Variants in VPS26C observed in about 807,000 individuals in gnomAD.
VPS26C encodes vacuolar protein sorting-associated protein 26C.
Under a neutral mutation model 30.6 loss-of-function variants are expected in VPS26C, and 19 were observed. The ratio of observed to expected loss-of-function variants is 0.62; its 90% CI spans 0.43 to 0.91. The LOEUF (loss-of-function observed/expected upper bound fraction) is 0.91. VPS26C is among the 40% of genes least tolerant of loss of function. The pLI, the probability that VPS26C is intolerant of heterozygous loss-of-function variation, is 0.00. For missense variants in VPS26C, 318 were observed against 385.1 expected, an observed-to-expected ratio of 0.83 and a Z score of 1.46; for synonymous variants, 132 against 151.5, an observed-to-expected ratio of 0.87 and a Z score of 0.95.
In VPS26C at chr21:37,233,336, C is replaced by T. The variant is rs762561560; in HGVS notation, c.432+26G>A. On this transcript the variant is annotated intron_variant, in intron 4 of 7. Transcript: ENST00000309117. This position sits in a 1 kb window ranked among gnomAD's most constrained non-coding sequence, Gnocchi z 5.2. ...CCCATGGGAGATTCCTATCATTAAG[C>T]ACCAGAGTCCCCGAGTGAAGCTTAC... The T allele has an allele frequency of 1.4e-5, 23 of 1,594,780 alleles. No homozygotes were observed. The highest frequency in any genetic ancestry group is 1.9e-5 in the Non-Finnish European group (22 of 1,162,570).
rs550138283 is a variant in VPS26C at position 37,256,358 on chromosome 21, T to C, written c.57+10880A>G. On this transcript the variant is annotated intron_variant, in intron 1 of 7. Transcript: ENST00000309117. Reference sequence around the variant, plus strand: ...AGAGTCAGGGAAGGGAGGGAGGAAATAGATATTCTCACTTAAAGTAGAACA... The same window carrying C: ...AGAGTCAGGGAAGGGAGGGAGGAAACAGATATTCTCACTTAAAGTAGAACA... 1.6e-3 allele frequency among the ~76,000 whole-genome samples: 242 copies of C among 152,334 alleles called. 2 individuals carry two copies. The highest frequency in any genetic ancestry group is 5.4e-3 in the African/African-American group (225 of 41,576).
intron 2 of VPS26C, 138 bp from the exon 3 acceptor site, chr21:37,238,747 G>C: frequency 1.1e-6 from 1 of 912,968 alleles, no homozygotes; most frequent in South Asian, 1.6e-5. Flanking sequence ...TCTGCGCTGG[G>C]TCTGGAGATG....
chr21:37,235,860 T>C (rs1260231223), intron 3 of VPS26C, among the ~76,000 whole-genome samples: 10 of 93,938 alleles, frequency 1.1e-4, no homozygotes, highest in Middle Eastern at 5.0e-3. Flanking sequence ...TGTATATATA[T>C]ATATATATAT....
chr21:37,260,644 T>A (rs1042566563), intron 1 of VPS26C, among the ~76,000 whole-genome samples: 2 of 152,224 alleles, frequency 1.3e-5, no homozygotes, highest in African/African-American at 4.8e-5. Flanking sequence ...CCACAGGAAC[T>A]GGGATGAAGA....
intron 1 of VPS26C, among the ~76,000 whole-genome samples, chr21:37,245,633 CT>C (rs2086130505): frequency 6.6e-6 from 1 of 152,174 alleles, no homozygotes; most frequent in Non-Finnish European, 1.5e-5. Context: ...TCTCCTGCCC[CT>C]GAACATAAAC....
chr21:37,249,191 T>A (rs1408884989), intron 1 of VPS26C, among the ~76,000 whole-genome samples: 1 of 152,154 alleles, frequency 6.6e-6, no homozygotes, highest in Non-Finnish European at 1.5e-5. Context: ...ATCACCACAA[T>A]TAACGTTCTG....
At chr21:37,246,461 C>T (rs200588887) in intron 1 of VPS26C, among the ~76,000 whole-genome samples, 1 of 151,464 alleles carries the variant, frequency 6.6e-6, no homozygotes, top group Non-Finnish European at 1.5e-5. Context: ...CCAAGCAATA[C>T]TATATAAAAG....
At chr21:37,235,111 A>G (rs1340711209) in intron 3 of VPS26C, among the ~76,000 whole-genome samples, 1 of 151,996 alleles carries the variant, frequency 6.6e-6, no homozygotes, top group Non-Finnish European at 1.5e-5. Flanking sequence ...GGTTCAAGCA[A>G]TTCTCCTGCC....
At chr21:37,254,233 G>A (rs2086220377) in intron 1 of VPS26C, among the ~76,000 whole-genome samples, 3 of 152,232 alleles carry the variant, frequency 2.0e-5, no homozygotes, top group Admixed American at 1.3e-4. Context: ...TCACGATAGT[G>A]CAGCATTCAA....
chr21:37,258,094 G>C (rs1041016510), intron 1 of VPS26C, among the ~76,000 whole-genome samples: 8 of 152,360 alleles, frequency 5.3e-5, no homozygotes, highest in South Asian at 2.1e-4. Flanking sequence ...CTCACACTAC[G>C]AGGTTAACTG....
intron 1 of VPS26C, 24 bp downstream of exon 1, chr21:37,267,214 T>TTCC: frequency 2.4e-5 from 11 of 457,034 alleles, no homozygotes; most frequent in South Asian, 7.2e-5. Flanking sequence ...CCCACCTCCA[T>TTCC]CCCCACCCCC....
intron 3 of VPS26C, among the ~76,000 whole-genome samples, chr21:37,234,300 C>T (rs947253883): frequency 2.0e-5 from 3 of 152,236 alleles, no homozygotes; most frequent in Admixed American, 6.5e-5. Flanking sequence ...AACAATGTAG[C>T]ATCGCACTTG....
chr21:37,228,227 C>T lies in VPS26C; in HGVS notation c.654G>A (p.Thr218=), dbSNP rs751555249. 30 of 1,611,666 alleles carry T rather than the reference C, an allele frequency of 1.9e-5. No individual in the cohort carries two copies. Among genetic ancestry groups the T allele is most frequent in the South Asian group, 3.3e-5 (3 of 91,062 alleles). The change falls in exon 6 of 8, where the codon ACG becomes ACA. Residue 218 remains threonine (T), a synonymous_variant. Coordinates refer to ENST00000309117, the MANE Select transcript of VPS26C (RefSeq NM_006052.2). ...SVELQLVRVE[T]CGCAEGYARD... is the part of the protein sequence containing the mutation. The stretch of plus-strand genomic sequence containing the variant: ...GCCTGGTGGCACGGCCCTCACCGCA[C>T]GTCTCCACGCGCACCAGCTGCAGCT...
At chr21:37,237,052 A>T (rs557100260) in intron 3 of VPS26C, among the ~76,000 whole-genome samples, 5 of 152,182 alleles carry the variant, frequency 3.3e-5, no homozygotes, top group Non-Finnish European at 7.4e-5. Flanking sequence ...AAGTGCAGGG[A>T]TGACAAGCGT....
intron 1 of VPS26C, 116 bp downstream of exon 1, chr21:37,267,122 T>G: frequency 1.0e-6 from 1 of 954,136 alleles, no homozygotes; most frequent in South Asian, 1.4e-5. Flanking sequence ...GAGACGCACC[T>G]GGCGGGACAG....
intron 2 of VPS26C, among the ~76,000 whole-genome samples, chr21:37,239,795 A>T (rs966135429): frequency 2.0e-5 from 3 of 152,082 alleles, no homozygotes; most frequent in African/African-American, 7.2e-5. Flanking sequence ...ACGGGGTTTT[A>T]CCATGTTAGC....
intron 1 of VPS26C, among the ~76,000 whole-genome samples, chr21:37,266,342 T>G (rs1249395657): frequency 6.6e-6 from 1 of 152,226 alleles, no homozygotes; most frequent in Non-Finnish European, 1.5e-5. Flanking sequence ...TTGTCTGAAA[T>G]TCTGTCCCTT....
At chr21:37,249,231 G>C (rs2086167742) in intron 1 of VPS26C, among the ~76,000 whole-genome samples, 1 of 152,158 alleles carries the variant, frequency 6.6e-6, no homozygotes, top group Non-Finnish European at 1.5e-5. Flanking sequence ...TAAAACTAGA[G>C]AGAGAAAGAG....
At chr21:37,259,441 T>C (rs910358975) in intron 1 of VPS26C, among the ~76,000 whole-genome samples, 3 of 152,202 alleles carry the variant, frequency 2.0e-5, no homozygotes, top group African/African-American at 7.2e-5. Flanking sequence ...TTCACAACCA[T>C]AATATTTAAC....
Sources: allele counts gnomAD v4.1 joint callset (sites outside exome capture counted in the v4.1 genomes callset), GRCh38; gene constraint gnomAD v4.1.1; non-coding constraint Gnocchi (gnomAD v3.1); transcripts MANE v1.5; gene names NCBI Gene and HGNC (gene_info 2026-07-23, HGNC 2026-07-21).